The following EIF4G2 variants were observed in gnomAD, a reference collection of about 807,000 sequenced individuals.
EIF4G2 encodes the protein eukaryotic translation initiation factor 4 gamma 2.
In EIF4G2, 8 loss-of-function variants were observed where a neutral mutation model predicts 117.7. The ratio of observed to expected loss-of-function variants is 0.07; its 90% CI spans 0.04 to 0.12. The LOEUF (loss-of-function observed/expected upper bound fraction) is 0.12. Ranked by LOEUF, EIF4G2 falls within the 10% of genes least tolerant of loss-of-function variation. The probability of loss-of-function intolerance (pLI) is 1.00; values close to 1 mark genes in which losing one functional copy is unlikely to be tolerated. For synonymous variants in EIF4G2, 413 were observed against 367.8 expected, an observed-to-expected ratio of 1.12 and a Z score of -1.41; for missense variants, 812 against 1,086.2, an observed-to-expected ratio of 0.75 and a Z score of 3.55.
rs1176181963 is a variant in EIF4G2 at position 10,803,966 on chromosome 11, T to G, written c.635A>C (p.Lys212Thr). 1 of 1,614,192 alleles carries G rather than the reference T, an allele frequency of 6.2e-7. No individual in the cohort carries two copies. Among genetic ancestry groups the G allele is most frequent in the Non-Finnish European group, 8.5e-7 (1 of 1,180,030 alleles). Reference sequence around the variant, plus strand: ...AAGCTTGCCAAGCTCTCCAATGAATTTGATGTTTCCCAACATCTTGATCTT... The same window carrying G: ...AAGCTTGCCAAGCTCTCCAATGAATGTGATGTTTCCCAACATCTTGATCTT... Residue 212 changes from lysine to threonine, a missense_variant, in exon 8 of 22, where the codon AAA (lysine) becomes ACA (threonine). Physicochemically the swap from Lys to Thr is moderately conservative, Grantham distance 78. Coordinates refer to ENST00000339995, the MANE Select transcript of EIF4G2 (RefSeq NM_001418.4). The surrounding 1 kb of genome is among the most constrained non-coding windows in gnomAD (Gnocchi z 4.0).
intron 11 of EIF4G2, 59 bp downstream of exon 11, chr11:10,802,971 C>G (rs1025923998): frequency 4.5e-5 from 67 of 1,497,702 alleles, no homozygotes; most frequent in Non-Finnish European, 2.9e-5. Context: ...GAGGAGGAAA[C>G]CCATTCTATT....
In EIF4G2 at chr11:10,802,347, T is replaced by C. The variant is rs1315228641; in HGVS notation, c.1085A>G (p.Lys362Arg). 14 of 1,613,960 alleles carry C rather than the reference T, an allele frequency of 8.7e-6. No individual in the cohort carries two copies. Among genetic ancestry groups the C allele is most frequent in the Admixed American group, 1.7e-5 (1 of 59,976 alleles). The stretch of plus-strand genomic sequence containing the variant: ...TCCTCCAAGTGGGTCCCTATCCATT[T>C]TCATCCTGGGTGGCATGAACGGTCC... The change falls in exon 12 of 22, where the codon AAA (lysine) becomes AGA (arginine). Residue 362 changes from lysine to arginine, a missense_variant. Lys to Arg is a conservative substitution (Grantham distance 26). Coordinates refer to ENST00000339995, the MANE Select transcript of EIF4G2 (RefSeq NM_001418.4).
At chr11:10,805,073 A>T in intron 4 of EIF4G2, 58 bp from the exon 5 acceptor site, 1 of 1,347,498 alleles carries the variant, frequency 7.4e-7, no homozygotes, top group African/African-American at 1.4e-5. Flanking sequence ...TTGAATTGAA[A>T]AACTGCTTTT....
intron 11 of EIF4G2, 98 bp downstream of exon 11, chr11:10,802,932 G>T: frequency 1.0e-6 from 1 of 1,002,482 alleles, no homozygotes. Flanking sequence ...ACTAAGATGA[G>T]ACAGACCCCT....
chr11:10,806,601 G>GA, intron 3 of EIF4G2: 2 of 526,294 alleles, frequency 3.8e-6, no homozygotes, highest in South Asian at 5.7e-5. Context: ...ATAACCCAAA[G>GA]AATAAGGAAA....
Position 10,801,621 on chromosome 11 carries a change from T to C in EIF4G2, c.1413+40A>G, listed in dbSNP as rs543356735. The C allele has an allele frequency of 2.0e-5, 32 of 1,568,030 alleles. No individual in the cohort carries two copies. In the African/African-American group the frequency reaches 2.2e-4, roughly 11 times the overall value. On this transcript the variant is annotated intron_variant, in intron 14 of 21. Coordinates refer to ENST00000339995, the MANE Select transcript of EIF4G2 (RefSeq NM_001418.4). ...AATCATCGGGCAATAAATTTCTGAATGGACAAACTATGGTATATAAGTAAC... is the reference window on the plus strand; with the variant it reads ...AATCATCGGGCAATAAATTTCTGAACGGACAAACTATGGTATATAAGTAAC...
intron 1 of EIF4G2, chr11:10,807,952 A>G (rs1847635534): frequency 2.5e-5 from 25 of 1,019,144 alleles, no homozygotes; most frequent in Non-Finnish European, 2.9e-5. Flanking sequence ...TCCTGGGAAC[A>G]AAAGAGCGGA....
Position 10,797,710 on chromosome 11 carries a change from A to G in EIF4G2, c.*106T>C. On this transcript the variant is annotated 3_prime_UTR_variant, in exon 22 of 22. Coordinates refer to ENST00000339995, the MANE Select transcript of EIF4G2 (RefSeq NM_001418.4). This position sits in a 1 kb window ranked among gnomAD's most constrained non-coding sequence, Gnocchi z 4.5. ...TAACTGACGTGCTTCTGCTTTAAATATTGTGAAAACATTACAGCGGAATGA... is the reference window on the plus strand; with the variant it reads ...TAACTGACGTGCTTCTGCTTTAAATGTTGTGAAAACATTACAGCGGAATGA... The G allele has an allele frequency of 8.3e-7, 1 of 1,210,116 alleles. No individual in the cohort carries two copies. Among genetic ancestry groups the G allele is most frequent in the Non-Finnish European group, 1.2e-6 (1 of 834,036 alleles). The allele number at this position is 1,210,116 out of a possible 1,614,324, so 75.0% of individuals were successfully genotyped here.
At position 10,805,995 on chromosome 11, in the gene EIF4G2, G is replaced by C. The variant is rs1847557445; in HGVS notation, c.160C>G (p.Arg54Gly). 6.2e-7 allele frequency: 1 copy of C among 1,614,192 alleles called. No individual in the cohort carries two copies. Among genetic ancestry groups the C allele is most frequent in the Middle Eastern group, 1.6e-4 (1 of 6,062 alleles). The change falls in exon 4 of 22, where the codon CGA (arginine) becomes GGA (glycine). Residue 54 changes from arginine to glycine, a missense_variant. Around this residue, in one of 4 missense-constraint regions of EIF4G2, gnomAD observed 79 missense variants for 91.5 expected, o/e 0.86. Transcript: ENST00000339995. Reference sequence around the variant, plus strand: ...GAGTTGTCATCTCGTCTAGTGCTTCGTGCAGGAATCCATTTCTGAGCGTTT... The same window carrying C: ...GAGTTGTCATCTCGTCTAGTGCTTCCTGCAGGAATCCATTTCTGAGCGTTT...
Position 10,803,774 on chromosome 11 carries a change from T to C in EIF4G2, c.702+125A>G. On this transcript the variant is annotated intron_variant, in intron 8 of 21. Coordinates refer to ENST00000339995, the MANE Select transcript of EIF4G2 (RefSeq NM_001418.4). The surrounding 1 kb of genome is among the most constrained non-coding windows in gnomAD (Gnocchi z 4.0). ...GTCAAACACACCACGTATTTCAAAT[T>C]ATTCTGTTTAGTAAATTTTGTTGCA... 1 of 1,300,190 alleles carries C rather than the reference T, an allele frequency of 7.7e-7. No individual in the cohort carries two copies. The highest frequency in any genetic ancestry group is 1.1e-6 in the Non-Finnish European group (1 of 940,380). The allele number at this position is 1,300,190 out of a possible 1,614,324, so 80.5% of individuals were successfully genotyped here.
intron 5 of EIF4G2, 80 bp from the exon 6 acceptor site, chr11:10,804,498 A>C: frequency 6.7e-7 from 1 of 1,491,050 alleles, no homozygotes. Context: ...CAACCACCTA[A>C]ATGTTAGCTA....
chr11:10,806,623 T>C, intron 3 of EIF4G2, 197 bp downstream of exon 3: 1 of 556,862 alleles, frequency 1.8e-6, no homozygotes, highest in Non-Finnish European at 3.2e-6. Context: ...AAATAACAGC[T>C]TGAGAGTCTC....
At position 10,802,618 on chromosome 11, in the gene EIF4G2, C is replaced by T. The variant is rs59560833; in HGVS notation, c.997-183G>A. On this transcript the variant is annotated intron_variant, in intron 11 of 21. Coordinates refer to ENST00000339995, the MANE Select transcript of EIF4G2 (RefSeq NM_001418.4). ...ATGATGGCTCACATCTGTAATCCCC[C>T]GACTTTGGGAGGCCCAAGCCTTGGT... Among the ~76,000 whole-genome samples, 1,334 of 152,252 alleles carry T rather than the reference C, an allele frequency of 8.8e-3. 21 individuals carry two copies. Among genetic ancestry groups the T allele is most frequent in the African/African-American group, 0.03 (1,262 of 41,550 alleles).
intron 4 of EIF4G2, 94 bp from the exon 5 acceptor site, chr11:10,805,109 T>G: frequency 1.0e-6 from 1 of 974,728 alleles, no homozygotes; most frequent in Non-Finnish European, 1.6e-6. Context: ...TTCTTCTAAC[T>G]TGCTCCCTTT....
chr11:10,798,930 A>T (rs1398967781), intron 21 of EIF4G2, 62 bp downstream of exon 21: 21 of 1,556,082 alleles, frequency 1.3e-5, no homozygotes, highest in Non-Finnish European at 1.7e-5. Context: ...AAAGGCTCTT[A>T]ACTTGAAGTT....
intron 21 of EIF4G2, 129 bp downstream of exon 21, chr11:10,798,863 A>G: frequency 9.5e-7 from 1 of 1,055,798 alleles, no homozygotes; most frequent in Non-Finnish European, 1.4e-6. Flanking sequence ...GCAGAATGAA[A>G]TGTACAGGTG....
chr11:10,806,202 C>G, intron 3 of EIF4G2, 155 bp from the exon 4 acceptor site: 1 of 990,036 alleles, frequency 1.0e-6, no homozygotes, highest in Non-Finnish European at 1.5e-6. Context: ...CAGTAGTGTG[C>G]ATCAGAATCA....
At position 10,799,111 on chromosome 11, in the gene EIF4G2, T is replaced by C. The variant is rs1269093060; in HGVS notation, c.2539A>G (p.Met847Val). The stretch of plus-strand genomic sequence containing the variant: ...AAGTGCACAAAAAAGCGAAGTAACA[T>C]GCCTTAAAAAAAAAAAAAAAAAGAA... The change falls in exon 21 of 22, where the codon ATG becomes GTG. Residue 847 changes from methionine to valine, a missense_variant and splice_region_variant. Physicochemically the swap from Met to Val is conservative, Grantham distance 21 (BLOSUM62 1). This residue lies in a region of EIF4G2 where 571 missense variants were observed against 642.3 expected (regional missense o/e 0.89). Transcript: ENST00000339995. 1.3e-6 allele frequency: 2 copies of C among 1,501,064 alleles called. No homozygotes were observed. The highest frequency in any genetic ancestry group is 2.5e-5 in the Admixed American group (1 of 39,742). 93.0% of individuals were successfully genotyped at this position (1,501,064 alleles called of 1,614,324 possible). A position where few individuals can be genotyped will look rare whatever the true frequency, so the allele number is the denominator to read the frequency against.
chr11:10,807,622 G>A lies in EIF4G2; in HGVS notation c.-86-241C>T, dbSNP rs758903087. On this transcript the variant is annotated intron_variant, in intron 1 of 21. Coordinates refer to ENST00000339995, the MANE Select transcript of EIF4G2 (RefSeq NM_001418.4). ...AAGAGCATTTTAAACGGCTCAGAAC[G>A]AATCTTTTGAAAAAGCCACATTCTA... 239 of 1,102,158 alleles carry A rather than the reference G, an allele frequency of 2.2e-4. 2 individuals carry two copies. Among genetic ancestry groups the A allele is most frequent in the Admixed American group, 4.5e-4 (9 of 19,964 alleles). The allele number at this position is 1,102,158 out of a possible 1,614,324, so 68.3% of individuals were successfully genotyped here. A position where few individuals can be genotyped will look rare whatever the true frequency, so the allele number is the denominator to read the frequency against.
Sources: allele counts gnomAD v4.1 joint callset (sites outside exome capture counted in the v4.1 genomes callset), GRCh38; gene constraint gnomAD v4.1.1; regional missense constraint gnomAD v4.1.1; non-coding constraint Gnocchi (gnomAD v3.1); transcripts MANE v1.5; gene names NCBI Gene and HGNC (gene_info 2026-07-23, HGNC 2026-07-21).